GREM2: variants seen among roughly 807,000 people sequenced by gnomAD.
The protein encoded by GREM2 is gremlin 2, DAN family BMP antagonist.
Under a neutral mutation model 14.2 loss-of-function variants are expected in GREM2, and 11 were observed. That is an observed-to-expected ratio of 0.78 (90% CI 0.49 to 1.28). The LOEUF is 1.28. GREM2 is among the 50% of genes most tolerant of loss of function. The pLI, the probability that GREM2 is intolerant of heterozygous loss-of-function variation, is 0.00. For synonymous variants in GREM2, 98 were observed against 97.6 expected, an observed-to-expected ratio of 1.00 and a Z score of -0.02; for missense variants, 210 against 218.5, an observed-to-expected ratio of 0.96 and a Z score of 0.24.
intron 1 of GREM2, among the ~76,000 whole-genome samples, chr1:240,533,021 T>C (rs371902352): frequency 9.2e-5 from 14 of 152,210 alleles, no homozygotes; most frequent in African/African-American, 3.1e-4. Context: ...TAATTGATAT[T>C]GCGATACAGA....
chr1:240,493,280 T>C lies in GREM2; in HGVS notation c.196A>G (p.Lys66Glu). The C allele has an allele frequency of 6.2e-7, 1 of 1,613,966 alleles. No homozygotes were observed. The highest frequency in any genetic ancestry group is 8.5e-7 in the Non-Finnish European group (1 of 1,179,932). The stretch of plus-strand genomic sequence containing the variant: ...TTGCACCAGTCACTCTTGAGGTACT[T>C]GCGCTCGGTGACCACCAGGGCCTCC... ...SQEALVVTER[K>E]YLKSDWCKTQ... The change falls in exon 2 of 2, where the codon AAG becomes GAG. Residue 66 changes from lysine to glutamate, a missense_variant. By Grantham distance (56) the Lys-to-Glu change is moderately conservative. Transcript: ENST00000318160.
At chr1:240,525,413 A>T (rs1474518969) in intron 1 of GREM2, among the ~76,000 whole-genome samples, 1 of 152,054 alleles carries the variant, frequency 6.6e-6, no homozygotes, top group African/African-American at 2.4e-5. Context: ...TACTTGTGCA[A>T]CCTGTAATCC....
intron 1 of GREM2, among the ~76,000 whole-genome samples, chr1:240,503,457 C>A (rs1228571550): frequency 6.6e-6 from 1 of 152,196 alleles, no homozygotes; most frequent in Non-Finnish European, 1.5e-5. Flanking sequence ...ACATTTTAAC[C>A]TGCAAATCTG....
chr1:240,583,750 C>T (rs953556004), intron 1 of GREM2, among the ~76,000 whole-genome samples: 42 of 151,950 alleles, frequency 2.8e-4, no homozygotes, highest in Non-Finnish European at 4.3e-4. Context: ...TACAGGCATG[C>T]GCCACCATGC....
At chr1:240,502,363 G>A (rs915481173) in intron 1 of GREM2, among the ~76,000 whole-genome samples, 6 of 152,192 alleles carry the variant, frequency 3.9e-5, no homozygotes, top group Non-Finnish European at 8.8e-5. Context: ...TGAAACTCTT[G>A]AGAAAATATT....
rs758912690 is a variant in GREM2, at chr1:240,493,207, C to T, written c.269G>A (p.Arg90His). The stretch of plus-strand genomic sequence containing the variant: ...GTAGCAGAAGCGGTTGAGGATGGTG[C>T]GGCTCCGGCAGCCCTCCTCGCTCAC... ...QTVSEEGCRS[R>H]TILNRFCYGQ... Residue 90 changes from arginine (R) to histidine (H), a missense_variant, in exon 2 of 2, where the codon CGC becomes CAC. By Grantham distance (29) the Arg-to-His change is conservative. Transcript: ENST00000318160. 6.2e-7 allele frequency: 1 copy of T among 1,614,096 alleles called. No homozygotes were observed. Among genetic ancestry groups the T allele is most frequent in the Non-Finnish European group, 8.5e-7 (1 of 1,180,026 alleles).
chr1:240,497,341 G>T (rs529735337), intron 1 of GREM2, among the ~76,000 whole-genome samples: 7 of 152,016 alleles, frequency 4.6e-5, no homozygotes, highest in Non-Finnish European at 1.0e-4. Flanking sequence ...TTTGATACAG[G>T]CCCCAAAGCA....
At chr1:240,509,440 C>T (rs908292678) in intron 1 of GREM2, among the ~76,000 whole-genome samples, 1 of 147,932 alleles carries the variant, frequency 6.8e-6, no homozygotes, top group African/African-American at 2.5e-5. Context: ...ACGATCTTGG[C>T]TCACTGCAAC....
chr1:240,504,278 A>G (rs947651787), intron 1 of GREM2, among the ~76,000 whole-genome samples: 4 of 152,182 alleles, frequency 2.6e-5, no homozygotes, highest in Non-Finnish European at 5.9e-5. Flanking sequence ...TTGCTCCTTC[A>G]ATCACTGATC....
At position 240,513,402 on chromosome 1, in the gene GREM2, C is replaced by T. The variant is rs573740640; in HGVS notation, c.-1-19926G>A. 5.3e-5 allele frequency among the ~76,000 whole-genome samples: 8 copies of T among 152,072 alleles called. No homozygotes were observed. The South Asian group carries it at 1.7e-3, about 32-fold the overall frequency. The stretch of plus-strand genomic sequence containing the variant: ...TCAACCTGGCCAACAAGGTGAAACC[C>T]CATCTCTACTAAAAATATACAAATT... On this transcript the variant is annotated intron_variant, in intron 1 of 1. Coordinates refer to ENST00000318160, the MANE Select transcript of GREM2 (RefSeq NM_022469.4).
chr1:240,546,956 T>C (rs927424723), intron 1 of GREM2, among the ~76,000 whole-genome samples: 6 of 151,912 alleles, frequency 3.9e-5, no homozygotes, highest in African/African-American at 7.3e-5. Context: ...TGGAAGAGAA[T>C]AGACGATTAG....
At chr1:240,509,828 G>T (rs1036982782) in intron 1 of GREM2, among the ~76,000 whole-genome samples, 1 of 152,136 alleles carries the variant, frequency 6.6e-6, no homozygotes, top group Non-Finnish European at 1.5e-5. Context: ...AAGGAATTCT[G>T]CATATTCAAT....
chr1:240,513,953 G>T (rs926546131), intron 1 of GREM2, among the ~76,000 whole-genome samples: 5 of 110,358 alleles, frequency 4.5e-5, no homozygotes, highest in African/African-American at 2.5e-4. Context: ...CTTTAAGAGG[G>T]TTTCAGAAAT....
intron 1 of GREM2, among the ~76,000 whole-genome samples, chr1:240,606,974 TGC>T (rs1680038147): frequency 6.6e-6 from 1 of 152,292 alleles, no homozygotes; most frequent in East Asian, 1.9e-4. Flanking sequence ...CACTGAGCCC[TGC>T]CAGATTGAAA....
At chr1:240,600,008 C>T (rs1416985426) in intron 1 of GREM2, among the ~76,000 whole-genome samples, 1 of 152,126 alleles carries the variant, frequency 6.6e-6, no homozygotes, top group Non-Finnish European at 1.5e-5. Context: ...TGCAGCTGTA[C>T]CTTGGACCTT....
intron 1 of GREM2, among the ~76,000 whole-genome samples, chr1:240,583,238 T>A (rs73113798): frequency 3.3e-5 from 5 of 152,072 alleles, no homozygotes; most frequent in Non-Finnish European, 5.9e-5. Flanking sequence ...GGCATATATA[T>A]GTTAATCTCA....
chr1:240,586,591 G>A (rs1679603448), intron 1 of GREM2, among the ~76,000 whole-genome samples: 1 of 152,164 alleles, frequency 6.6e-6, no homozygotes. Flanking sequence ...GAAGAGCCGA[G>A]GAGAGACACA....
chr1:240,546,517 A>G (rs1233158873), intron 1 of GREM2, among the ~76,000 whole-genome samples: 1 of 152,172 alleles, frequency 6.6e-6, no homozygotes, highest in African/African-American at 2.4e-5. Context: ...AGACTTTATC[A>G]TATTATCTCT....
At chr1:240,512,223 G>A (rs933075194) in intron 1 of GREM2, among the ~76,000 whole-genome samples, 9 of 152,120 alleles carry the variant, frequency 5.9e-5, no homozygotes, top group Admixed American at 1.3e-4. Context: ...ATTTACTGGT[G>A]AAGAATAAAG....
Sources: allele counts gnomAD v4.1 joint callset (sites outside exome capture counted in the v4.1 genomes callset), GRCh38; gene constraint gnomAD v4.1.1; transcripts MANE v1.5; gene names NCBI Gene and HGNC (gene_info 2026-07-23, HGNC 2026-07-21).